The following TRPC7 variants were observed in gnomAD, a reference collection of about 807,000 sequenced individuals.
The protein encoded by TRPC7 is transient receptor potential cation channel subfamily C member 7, also known as short transient receptor potential channel 7.
Under a neutral mutation model 90.1 loss-of-function variants are expected in TRPC7, and 42 were observed. The observed-to-expected ratio is 0.47, with a 90% CI of 0.36 to 0.60. TRPC7 has a LOEUF of 0.60. Ranked by LOEUF, TRPC7 falls within the 20% of genes least tolerant of loss-of-function variation. TRPC7 has a pLI of 0.00. For synonymous variants in TRPC7, 451 were observed against 436.3 expected (o/e 1.03, Z -0.42); for missense variants, 955 against 1,112.3 (o/e 0.86, Z 2.01).
chr5:136,266,422 C>G lies in TRPC7; in HGVS notation c.1143G>C (p.Leu381=), dbSNP rs2149812270. 6.2e-7 allele frequency: 1 copy of G among 1,613,468 alleles called. No homozygotes were observed. The highest frequency in any genetic ancestry group is 1.3e-5 in the African/African-American group (1 of 75,022). ...IAPCSKLGRT[L]RSPFMKFVAH... ...CTACAAACTTCATGAAAGGGCTCCT[C>G]AGGGTTCGTCCTAGCTGGAAAGAAA... is the stretch of plus-strand genomic sequence containing the variant. Residue 381 remains leucine, a synonymous_variant, in exon 5 of 12, where the codon CTG becomes CTC. Coordinates refer to ENST00000513104, the MANE Select transcript of TRPC7 (RefSeq NM_020389.3).
intron 6 of TRPC7, among the ~76,000 whole-genome samples, chr5:136,248,290 C>A (rs572993126): frequency 6.6e-6 from 1 of 152,202 alleles, no homozygotes. Context: ...AACTAACTAA[C>A]CTTTTGAGCT....
At chr5:136,227,927 A>C (rs571414246) in intron 8 of TRPC7, among the ~76,000 whole-genome samples, 36 of 152,352 alleles carry the variant, frequency 2.4e-4, no homozygotes, top group African/African-American at 8.7e-4. Context: ...TGTGATTTGC[A>C]TCTCCATAGC....
In TRPC7 at chr5:136,225,301, G is replaced by T; in HGVS notation, c.2316C>A (p.Asn772Lys). ...MRNSENLTAN[N>K]TLSKPTRYQK... ...GGTATCTGGTGGGCTTGCTCAAAGT[G>T]TTATTTGCTGTCAGATTTTCAGAAT... Residue 772 changes from asparagine to lysine, a missense_variant, in exon 10 of 12, where the codon AAC becomes AAA. Asn to Lys is a moderately conservative substitution (Grantham distance 94). This residue lies in a region of TRPC7 where 296 missense variants were observed against 422.7 expected (regional missense o/e 0.70). Coordinates refer to ENST00000513104, the MANE Select transcript of TRPC7 (RefSeq NM_020389.3). The T allele has an allele frequency of 1.2e-6, 2 of 1,613,270 alleles. No individual in the cohort carries two copies. Among genetic ancestry groups the T allele is most frequent in the South Asian group, 2.2e-5 (2 of 90,758 alleles).
chr5:136,334,369 A>G (rs185632645), intron 2 of TRPC7, among the ~76,000 whole-genome samples: 1 of 152,356 alleles, frequency 6.6e-6, no homozygotes, highest in Non-Finnish European at 1.5e-5. Flanking sequence ...CGAAGTAGCA[A>G]TTAAAAAATG....
chr5:136,280,618 A>G (rs1757519065), intron 3 of TRPC7, among the ~76,000 whole-genome samples: 1 of 152,234 alleles, frequency 6.6e-6, no homozygotes, highest in Non-Finnish European at 1.5e-5. Flanking sequence ...GATAAAAGCT[A>G]AACCAGGTAC....
intron 10 of TRPC7, among the ~76,000 whole-genome samples, chr5:136,216,584 A>ATACTGGATCCACT (rs3832378): frequency 1.3e-5 from 2 of 151,872 alleles, no homozygotes. Context: ...AGTGGCACAA[A>ATACTGGATCCACT]TCTCTGCTCC....
chr5:136,332,951 C>T (rs1487295602), intron 2 of TRPC7, among the ~76,000 whole-genome samples: 3 of 152,176 alleles, frequency 2.0e-5, no homozygotes, highest in African/African-American at 2.4e-5. Flanking sequence ...CTTTGTCCTT[C>T]GAGGAGCTGC....
chr5:136,288,470 C>T (rs139527444), intron 3 of TRPC7, among the ~76,000 whole-genome samples: 9 of 150,742 alleles, frequency 6.0e-5, no homozygotes, highest in East Asian at 3.9e-4. Context: ...TGTCTGCCAC[C>T]GAGATGATAC....
chr5:136,353,797 A>G (rs1342115793), intron 2 of TRPC7, among the ~76,000 whole-genome samples: 1 of 152,202 alleles, frequency 6.6e-6, no homozygotes, highest in Non-Finnish European at 1.5e-5. Context: ...AAGTCACTGA[A>G]TTGTAGAAAG....
intron 2 of TRPC7, among the ~76,000 whole-genome samples, chr5:136,351,243 T>C (rs1332910663): frequency 6.6e-6 from 1 of 152,176 alleles, no homozygotes; most frequent in Non-Finnish European, 1.5e-5. Flanking sequence ...GGACTTTTCT[T>C]CTAGATTCTG....
At chr5:136,244,919 GGT>G (rs1405157000) in intron 7 of TRPC7, among the ~76,000 whole-genome samples, 2 of 152,114 alleles carry the variant, frequency 1.3e-5, no homozygotes, top group Non-Finnish European at 2.9e-5. Flanking sequence ...TCAGTACTCA[GGT>G]GTCTTTTCTT....
chr5:136,364,199 T>C (rs1199754679), intron 1 of TRPC7, among the ~76,000 whole-genome samples: 1 of 152,248 alleles, frequency 6.6e-6, no homozygotes, highest in Non-Finnish European at 1.5e-5. Flanking sequence ...GCAATTAGCC[T>C]CAATGAGGCT....
At chr5:136,236,149 T>C (rs779160948) in intron 7 of TRPC7, among the ~76,000 whole-genome samples, 4 of 152,232 alleles carry the variant, frequency 2.6e-5, no homozygotes, top group Non-Finnish European at 5.9e-5. Context: ...GCGATGAGGA[T>C]ACACAGGTGC....
chr5:136,315,346 C>T (rs1758973807), intron 3 of TRPC7, among the ~76,000 whole-genome samples: 1 of 152,144 alleles, frequency 6.6e-6, no homozygotes, highest in Non-Finnish European at 1.5e-5. Flanking sequence ...TGTCCAGGCT[C>T]AAGGCCTGCT....
At chr5:136,338,744 C>T (rs938744005) in intron 2 of TRPC7, among the ~76,000 whole-genome samples, 7 of 152,130 alleles carry the variant, frequency 4.6e-5, no homozygotes, top group Non-Finnish European at 4.4e-5. Flanking sequence ...GCAGTGCTCT[C>T]AGTTTTCTTG....
At chr5:136,219,502 A>G (rs2149792813) in intron 10 of TRPC7, among the ~76,000 whole-genome samples, 1 of 152,288 alleles carries the variant, frequency 6.6e-6, no homozygotes, top group Middle Eastern at 3.4e-3. Flanking sequence ...ACAGTGGCTC[A>G]TGCCTGTAAT....
chr5:136,339,360 A>T (rs1759771753), intron 2 of TRPC7, among the ~76,000 whole-genome samples: 1 of 152,220 alleles, frequency 6.6e-6, no homozygotes, highest in Non-Finnish European at 1.5e-5. Flanking sequence ...GAATTATGGT[A>T]GGGGCCTAAA....
chr5:136,240,991 G>A (rs186889784), intron 7 of TRPC7, among the ~76,000 whole-genome samples: 9 of 152,200 alleles, frequency 5.9e-5, no homozygotes, highest in African/African-American at 1.9e-4. Flanking sequence ...GGGACAGTCC[G>A]TGGCAGGTGG....
intron 2 of TRPC7, among the ~76,000 whole-genome samples, chr5:136,346,574 C>T (rs751887510): frequency 1.1e-4 from 16 of 152,150 alleles, no homozygotes; most frequent in Non-Finnish European, 1.6e-4. Flanking sequence ...ACAACACACA[C>T]GGACACACAC....
Sources: allele counts gnomAD v4.1 joint callset (sites outside exome capture counted in the v4.1 genomes callset), GRCh38; gene constraint gnomAD v4.1.1; regional missense constraint gnomAD v4.1.1; transcripts MANE v1.5; gene names NCBI Gene and HGNC (gene_info 2026-07-23, HGNC 2026-07-21).